The following ATXN7L1 variants were observed in gnomAD, a reference collection of about 807,000 sequenced individuals.
ATXN7L1 encodes ataxin-7-like protein 1.
In ATXN7L1, 15 loss-of-function variants were observed where a neutral mutation model predicts 70.8. That is an observed-to-expected ratio of 0.21 (90% CI 0.14 to 0.33). The LOEUF is 0.33. Among genes scored for constraint, ATXN7L1 ranks in the 10% least tolerant of loss-of-function variants. ATXN7L1 has a pLI of 1.00. For synonymous variants in ATXN7L1, 440 were observed against 445.1 expected, an observed-to-expected ratio of 0.99 and a Z score of 0.14; for missense variants, 975 against 1,097.1, an observed-to-expected ratio of 0.89 and a Z score of 1.57.
intron 6 of ATXN7L1, 127 bp from the exon 7 acceptor site, chr7:105,638,736 C>A: frequency 1.7e-6 from 2 of 1,205,990 alleles, no homozygotes; most frequent in East Asian, 2.6e-5. Context: ...AACTTCAAGG[C>A]AACAGCTCCT....
chr7:105,638,523 C>G lies in ATXN7L1; in HGVS notation c.1032G>C (p.Arg344=), dbSNP rs1276006500. ...GCTCTTTATCTTTAACTTCTTTTTCCCGGGACTTTGCTTTGTGTTCTGCCA... is the reference window on the plus strand; with the variant it reads ...GCTCTTTATCTTTAACTTCTTTTTCGCGGGACTTTGCTTTGTGTTCTGCCA... The part of the protein sequence containing the change: ...LLLAEHKAKS[R]EKEVKDKEHL... The change falls in exon 7 of 12, where the codon CGG becomes CGC. Residue 344 remains arginine (R), a synonymous_variant. Coordinates refer to ENST00000419735, the MANE Select transcript of ATXN7L1 (RefSeq NM_020725.2). 6.4e-7 allele frequency: 1 copy of G among 1,552,078 alleles called. No homozygotes were observed.
At chr7:105,719,808 G>C (rs1241342895) in intron 3 of ATXN7L1, among the ~76,000 whole-genome samples, 1 of 152,216 alleles carries the variant, frequency 6.6e-6, no homozygotes, top group Admixed American at 6.5e-5. Context: ...GGCAAAAGCA[G>C]TGAGCGTTCC....
At chr7:105,610,506 C>G in intron 11 of ATXN7L1, 23 bp downstream of exon 11, 3 of 1,504,366 alleles carry the variant, frequency 2.0e-6, no homozygotes, top group Non-Finnish European at 2.7e-6. Flanking sequence ...ATTTTTGCCC[C>G]ACCCCCACCC....
At chr7:105,619,139 A>AGTTTTTT (rs1794371901) in intron 9 of ATXN7L1, among the ~76,000 whole-genome samples, 10 of 23,578 alleles carry the variant, frequency 4.2e-4, no homozygotes, top group South Asian at 1.6e-3. Flanking sequence ...TGAAATCTTT[A>AGTTTTTT]GTTTTTTTTT....
chr7:105,722,091 T>C (rs1412710820), intron 3 of ATXN7L1, among the ~76,000 whole-genome samples: 3 of 152,196 alleles, frequency 2.0e-5, no homozygotes, highest in Non-Finnish European at 4.4e-5. Flanking sequence ...CTGGTAGTGG[T>C]AACTTTACTT....
At chr7:105,744,735 CTTTTT>C (rs11465151) in intron 3 of ATXN7L1, among the ~76,000 whole-genome samples, 1 of 117,126 alleles carries the variant, frequency 8.5e-6, no homozygotes, top group Non-Finnish European at 1.7e-5. Context: ...TCTTTCTTTA[CTTTTT>C]TTTTTTTTTT....
At chr7:105,680,754 C>T (rs554908353) in intron 3 of ATXN7L1, among the ~76,000 whole-genome samples, 47 of 152,336 alleles carry the variant, frequency 3.1e-4, no homozygotes, top group African/African-American at 1.1e-3. Flanking sequence ...TTAGAAGAAA[C>T]ACAGATGAAA....
At chr7:105,687,630 AC>A (rs1174911993) in intron 3 of ATXN7L1, among the ~76,000 whole-genome samples, 1 of 152,228 alleles carries the variant, frequency 6.6e-6, no homozygotes, top group Non-Finnish European at 1.5e-5. Context: ...TGTTGAACCC[AC>A]CCAGGCTGTT....
intron 9 of ATXN7L1, among the ~76,000 whole-genome samples, chr7:105,619,143 T>TTTTTTG (rs1794406164): frequency 2.0e-5 from 2 of 102,562 alleles, no homozygotes; most frequent in Non-Finnish European, 4.0e-5. Flanking sequence ...ATCTTTAGTT[T>TTTTTTG]TTTTTTTTTT....
At chr7:105,799,319 T>C (rs1431557610) in intron 2 of ATXN7L1, among the ~76,000 whole-genome samples, 1 of 152,122 alleles carries the variant, frequency 6.6e-6, no homozygotes, top group Non-Finnish European at 1.5e-5. Flanking sequence ...CTCCAGAAAA[T>C]TCCCCCATCG....
intron 3 of ATXN7L1, among the ~76,000 whole-genome samples, chr7:105,733,668 AT>A (rs1796955821): frequency 7.0e-6 from 1 of 143,828 alleles, no homozygotes; most frequent in African/African-American, 2.6e-5. Context: ...CCATCCATCC[AT>A]CCATCCATCC....
intron 2 of ATXN7L1, among the ~76,000 whole-genome samples, chr7:105,871,570 C>T (rs1040605358): frequency 6.6e-6 from 1 of 151,994 alleles, no homozygotes; most frequent in African/African-American, 2.4e-5. Flanking sequence ...ATTAGCCGGG[C>T]GTGGTGGCGC....
intron 2 of ATXN7L1, among the ~76,000 whole-genome samples, chr7:105,790,722 A>G (rs1435949334): frequency 1.8e-5 from 1 of 56,964 alleles, no homozygotes; most frequent in Non-Finnish European, 3.3e-5. Context: ...TATCTATCTG[A>G]CAAAAAAAGG....
chr7:105,806,250 G>T (rs1191734400), intron 2 of ATXN7L1, among the ~76,000 whole-genome samples: 1 of 152,082 alleles, frequency 6.6e-6, no homozygotes, highest in Admixed American at 6.5e-5. Flanking sequence ...GGGGAATGAT[G>T]AGGTTTACAT....
At chr7:105,872,184 G>C (rs1183685750) in intron 2 of ATXN7L1, among the ~76,000 whole-genome samples, 3 of 152,112 alleles carry the variant, frequency 2.0e-5, no homozygotes, top group African/African-American at 7.2e-5. Context: ...AGTAGAGATG[G>C]GGTTTCACCA....
chr7:105,876,552 A>G lies in ATXN7L1; in HGVS notation c.7T>C (p.Ser3Pro), dbSNP rs1485909074. MT[S>P]ERSRIPCLSA... is the part of the protein sequence containing the mutation. ...AGACACGGGATTCGAGAACGCTCCG[A>G]CGTCATCTTCGGAACGTTCCGACAT... The change falls in exon 1 of 12, where the codon TCG becomes CCG. Residue 3 changes from serine (S) to proline (P), a missense_variant. Coordinates refer to ENST00000419735, the MANE Select transcript of ATXN7L1 (RefSeq NM_020725.2). 1 of 1,412,092 alleles carries G rather than the reference A, an allele frequency of 7.1e-7. No individual in the cohort carries two copies. The highest frequency in any genetic ancestry group is 9.5e-7 in the Non-Finnish European group (1 of 1,053,174). The allele number at this position is 1,412,092 out of a possible 1,614,324, so 87.5% of individuals were successfully genotyped here. A position where few individuals can be genotyped will look rare whatever the true frequency, so the allele number is the denominator to read the frequency against.
At chr7:105,623,378 G>C (rs370707217) in intron 8 of ATXN7L1, among the ~76,000 whole-genome samples, 12 of 152,168 alleles carry the variant, frequency 7.9e-5, no homozygotes, top group Admixed American at 5.9e-4. Flanking sequence ...TCAAGTGCTC[G>C]TACGCAAACA....
chr7:105,721,862 T>C (rs1489733654), intron 3 of ATXN7L1, among the ~76,000 whole-genome samples: 1 of 152,180 alleles, frequency 6.6e-6, no homozygotes, highest in Non-Finnish European at 1.5e-5. Flanking sequence ...CCAAACTCCT[T>C]TGAGAAATTT....
chr7:105,616,201 C>A (rs1793870798), intron 9 of ATXN7L1, among the ~76,000 whole-genome samples: 2 of 152,182 alleles, frequency 1.3e-5, no homozygotes, highest in East Asian at 3.9e-4. Context: ...AGAGCCTGTG[C>A]CCCAGTGGGC....
Sources: gnomAD v4.1 joint callset for allele counts (sites outside exome capture counted in the v4.1 genomes callset) on GRCh38, gnomAD v4.1.1 for gene constraint, MANE v1.5 for transcripts, NCBI Gene and HGNC (gene_info 2026-07-23, HGNC 2026-07-21) for gene names.